Variants in PLD5 observed in about 807,000 individuals in gnomAD.
The protein encoded by PLD5 is phospholipase D family member 5, also known as inactive phospholipase D5.
PLD5 carries 36 observed loss-of-function variants against 61.1 expected under a neutral mutation model. The observed-to-expected ratio is 0.59, with a 90% confidence interval of 0.45 to 0.78. The LOEUF (loss-of-function observed/expected upper bound fraction) is 0.78, where lower values mean the gene tolerates loss of function less well. Ranked by LOEUF, PLD5 falls within the 30% of genes least tolerant of loss-of-function variation. PLD5 has a pLI of 0.00. For synonymous variants in PLD5, 243 were observed against 242.8 expected (o/e 1.00, Z -0.01); for missense variants, 515 against 644.4 (o/e 0.80, Z 2.17).
chr1:242,312,586 T>C (rs1043539334), intron 2 of PLD5, among the ~76,000 whole-genome samples: 2 of 152,180 alleles, frequency 1.3e-5, no homozygotes, highest in African/African-American at 2.4e-5. Context: ...GCCTGCTTCT[T>C]CTCCTATCTT....
chr1:242,336,965 A>G (rs1177671399), intron 2 of PLD5, among the ~76,000 whole-genome samples: 8 of 152,328 alleles, frequency 5.3e-5, no homozygotes, highest in South Asian at 2.1e-4. Context: ...TCTGTAGAAT[A>G]TGTACTAGTA....
At chr1:242,528,473 T>C (rs984122777), upstream of PLD5, among the ~76,000 whole-genome samples, 15 of 152,230 alleles carry the variant, frequency 9.9e-5, no homozygotes, top group Admixed American at 8.5e-4. Context: ...ACTTAACAGA[T>C]GTCATTGACC....
intron 1 of PLD5, among the ~76,000 whole-genome samples, chr1:242,383,654 C>G (rs1662431124): frequency 1.3e-5 from 2 of 152,176 alleles, no homozygotes; most frequent in Admixed American, 1.3e-4. Flanking sequence ...CTACTTTCCC[C>G]TTAGTCCTAG....
intron 4 of PLD5, among the ~76,000 whole-genome samples, chr1:242,257,055 T>TCTATCTAC (rs1363982115): frequency 6.7e-6 from 1 of 150,292 alleles, no homozygotes; most frequent in Non-Finnish European, 1.5e-5. Context: ...TATCTATCTA[T>TCTATCTAC]CTATCTATCT....
chr1:242,136,059 C>T (rs1348435743), intron 5 of PLD5, among the ~76,000 whole-genome samples: 2 of 152,162 alleles, frequency 1.3e-5, no homozygotes, highest in African/African-American at 2.4e-5. Flanking sequence ...TTTGTCCCTA[C>T]CCTCCGTGGG....
At chr1:242,521,677 A>G (rs1405556647) in intron 1 of PLD5, among the ~76,000 whole-genome samples, 1 of 105,070 alleles carries the variant, frequency 9.5e-6, no homozygotes, top group Non-Finnish European at 2.2e-5. Context: ...GATTAGACAG[A>G]CCAGAAGGGT....
intron 1 of PLD5, among the ~76,000 whole-genome samples, chr1:242,436,922 C>T (rs2102899295): frequency 1.3e-5 from 2 of 152,104 alleles, no homozygotes; most frequent in East Asian, 1.9e-4. Flanking sequence ...AAAAAGAAGC[C>T]TCTTGGAATT....
intron 5 of PLD5, among the ~76,000 whole-genome samples, chr1:242,189,190 T>C (rs992139596): frequency 9.2e-5 from 14 of 152,158 alleles, no homozygotes; most frequent in African/African-American, 2.7e-4. Context: ...CTCACGCCTG[T>C]AATCCCAGCA....
intron 1 of PLD5, among the ~76,000 whole-genome samples, chr1:242,495,601 A>C (rs1452997503): frequency 6.6e-6 from 1 of 152,214 alleles, no homozygotes; most frequent in African/African-American, 2.4e-5. Context: ...TTAGTGTTCA[A>C]GGAAAATTGG....
In PLD5 at chr1:242,403,710, C is replaced by T. The variant is rs1230149410; in HGVS notation, c.190-55468G>A. On this transcript the variant is annotated intron_variant, in intron 1 of 9. Coordinates refer to ENST00000536534, the MANE Select transcript of PLD5 (RefSeq NM_001372062.1). ...CTCGAACCCTTGACCTCAAGTGATC[C>T]GCCCGCCTTGGCCTGGATAGGCTAT... Among the ~76,000 whole-genome samples the T allele has an allele frequency of 9.2e-5, 14 of 152,050 alleles. No homozygotes were observed. In the East Asian group the frequency reaches 1.5e-3, roughly 17 times the overall value.
At chr1:242,140,128 G>A (rs899365172) in intron 5 of PLD5, among the ~76,000 whole-genome samples, 5 of 152,132 alleles carry the variant, frequency 3.3e-5, no homozygotes, top group Non-Finnish European at 1.5e-5. Flanking sequence ...AAACCACCAT[G>A]AGGACCAATG....
intron 5 of PLD5, among the ~76,000 whole-genome samples, chr1:242,152,168 G>C (rs995900180): frequency 6.6e-6 from 1 of 151,934 alleles, no homozygotes; most frequent in Non-Finnish European, 1.5e-5. Flanking sequence ...TTTTCTTGCC[G>C]TTTCTGGGTT....
chr1:242,288,954 A>C (rs1178601944), intron 2 of PLD5, among the ~76,000 whole-genome samples: 1 of 152,134 alleles, frequency 6.6e-6, no homozygotes, highest in East Asian at 1.9e-4. Context: ...GCCTATCTCC[A>C]GTTTCTAAAA....
chr1:242,122,654 A>G (rs1662475183), intron 6 of PLD5, among the ~76,000 whole-genome samples: 1 of 152,234 alleles, frequency 6.6e-6, no homozygotes, highest in Non-Finnish European at 1.5e-5. Flanking sequence ...ATGCCCTATA[A>G]TATGCTACTT....
At chr1:242,466,730 T>G (rs555194886) in intron 1 of PLD5, among the ~76,000 whole-genome samples, 1 of 151,952 alleles carries the variant, frequency 6.6e-6, no homozygotes, top group African/African-American at 2.4e-5. Context: ...CTGTCTCTAT[T>G]AAAATCACAA....
chr1:242,374,307 A>C (rs984132927), intron 1 of PLD5, among the ~76,000 whole-genome samples: 10 of 152,228 alleles, frequency 6.6e-5, no homozygotes, highest in Admixed American at 5.2e-4. Context: ...CATGGTTTAC[A>C]TATGCGTTCT....
intron 3 of PLD5, among the ~76,000 whole-genome samples, chr1:242,280,610 C>T (rs920333610): frequency 6.6e-6 from 1 of 152,132 alleles, no homozygotes; most frequent in African/African-American, 2.4e-5. Flanking sequence ...GACTGCTTTA[C>T]CCAACCTGCC....
At chr1:242,164,852 C>CTT (rs1212571728) in intron 5 of PLD5, among the ~76,000 whole-genome samples, 2 of 151,790 alleles carry the variant, frequency 1.3e-5, no homozygotes, top group Non-Finnish European at 2.9e-5. Flanking sequence ...TTACATGTTA[C>CTT]TTGTAAATCT....
intron 1 of PLD5, among the ~76,000 whole-genome samples, chr1:242,394,703 AAC>A (rs1298990294): frequency 4.6e-5 from 2 of 43,768 alleles, no homozygotes; most frequent in East Asian, 5.0e-4. Context: ...TATATATGTG[AAC>A]ATATATGTGT....
Sources: gnomAD v4.1 joint callset for allele counts (sites outside exome capture counted in the v4.1 genomes callset) on GRCh38, gnomAD v4.1.1 for gene constraint, MANE v1.5 for transcripts, NCBI Gene and HGNC (gene_info 2026-07-23, HGNC 2026-07-21) for gene names.